ATP6V1H: variants seen among roughly 807,000 people sequenced by gnomAD.
The protein encoded by ATP6V1H is V-type proton ATPase subunit H.
Under a neutral mutation model 71.7 loss-of-function variants are expected in ATP6V1H, and 39 were observed. The ratio of observed to expected loss-of-function variants is 0.54; its 90% CI spans 0.42 to 0.71. The LOEUF is 0.71. Among genes scored for constraint, ATP6V1H ranks in the 30% least tolerant of loss-of-function variants. The probability of loss-of-function intolerance (pLI) is 0.00; values close to 1 mark genes in which losing one functional copy is unlikely to be tolerated. For missense variants in ATP6V1H, 509 were observed against 594.9 expected (o/e 0.86, Z 1.50); for synonymous variants, 192 against 199.3 (o/e 0.96, Z 0.31).
At chr8:53,767,488 A>G (rs541432078) in intron 11 of ATP6V1H, among the ~76,000 whole-genome samples, 1 of 152,328 alleles carries the variant, frequency 6.6e-6, no homozygotes, top group South Asian at 2.1e-4. Flanking sequence ...TAAAATATCT[A>G]CCAATTAGAG....
At chr8:53,733,080 G>A (rs1422216323) in intron 13 of ATP6V1H, among the ~76,000 whole-genome samples, 1 of 152,188 alleles carries the variant, frequency 6.6e-6, no homozygotes, top group Admixed American at 6.5e-5. Context: ...CTCCTCAACT[G>A]AAAGAATACC....
At position 53,756,433 on chromosome 8, in the gene ATP6V1H, T is replaced by C. The variant is rs140580357; in HGVS notation, c.1277+122A>G. ...ATCATAATTCTCACTATTGTGGCAA[T>C]CTTGATTTCATTTGCTTTGTTAGTT... On this transcript the variant is annotated intron_variant, in intron 12 of 13. Transcript: ENST00000359530. The C allele has an allele frequency of 1.5e-4, 101 of 693,470 alleles. No homozygotes were observed. In the African/African-American group the frequency reaches 1.7e-3, roughly 11 times the overall value. The allele number at this position is 693,470 out of a possible 1,614,324, so 43.0% of individuals were successfully genotyped here.
chr8:53,740,213 T>C lies in ATP6V1H; in HGVS notation c.1391+3364A>G, dbSNP rs1455731241. 1.1e-4 allele frequency among the ~76,000 whole-genome samples: 17 copies of C among 152,340 alleles called. No homozygotes were observed. The East Asian group carries it at 3.3e-3, about 29-fold the overall frequency. ...CAAATCCATATCTGACCCAGTTCCA[T>C]GATTTCATAAGTAACATAAATTACA... is the stretch of plus-strand genomic sequence containing the variant. On this transcript the variant is annotated intron_variant, in intron 13 of 13. Transcript: ENST00000359530.
At chr8:53,764,956 A>G (rs1211523980) in intron 11 of ATP6V1H, among the ~76,000 whole-genome samples, 1 of 152,090 alleles carries the variant, frequency 6.6e-6, no homozygotes, top group Non-Finnish European at 1.5e-5. Context: ...CAAAAACAAA[A>G]TAGCCGGGCA....
chr8:53,776,448 C>T (rs759602050), intron 9 of ATP6V1H, among the ~76,000 whole-genome samples: 2 of 152,198 alleles, frequency 1.3e-5, no homozygotes, highest in African/African-American at 2.4e-5. Context: ...ACTGCCAGCA[C>T]GCTGTCACCT....
At chr8:53,724,628 G>C (rs1414388677) in intron 13 of ATP6V1H, among the ~76,000 whole-genome samples, 1 of 129,962 alleles carries the variant, frequency 7.7e-6, no homozygotes, top group African/African-American at 2.9e-5. Flanking sequence ...AAGAGGACGA[G>C]GCCACGCCCC....
intron 12 of ATP6V1H, among the ~76,000 whole-genome samples, chr8:53,745,714 A>C (rs1353044739): frequency 2.0e-5 from 3 of 151,530 alleles, no homozygotes; most frequent in East Asian, 1.9e-4. Context: ...CACACACACA[A>C]AAACCCCACA....
At chr8:53,825,140 C>A (rs1342412251) in intron 4 of ATP6V1H, among the ~76,000 whole-genome samples, 1 of 152,132 alleles carries the variant, frequency 6.6e-6, no homozygotes, top group African/African-American at 2.4e-5. Flanking sequence ...ATACCTTGTC[C>A]TTGGACAGAA....
intron 7 of ATP6V1H, among the ~76,000 whole-genome samples, chr8:53,806,412 A>C (rs1489781436): frequency 2.6e-5 from 4 of 152,134 alleles, no homozygotes; most frequent in Non-Finnish European, 5.9e-5. Flanking sequence ...TCTAGTCAAC[A>C]GTCATAAAAT....
intron 4 of ATP6V1H, among the ~76,000 whole-genome samples, chr8:53,822,927 T>G (rs960267356): frequency 3.9e-5 from 6 of 152,154 alleles, no homozygotes; most frequent in Non-Finnish European, 8.8e-5. Context: ...CACAATTCAC[T>G]GTAGATATAA....
chr8:53,774,285 A>G (rs1808785319), intron 9 of ATP6V1H, among the ~76,000 whole-genome samples: 1 of 152,234 alleles, frequency 6.6e-6, no homozygotes, highest in Admixed American at 6.5e-5. Flanking sequence ...AGACAAACAC[A>G]CAAAACTAAA....
intron 11 of ATP6V1H, 95 bp from the exon 12 acceptor site, chr8:53,756,751 G>C (rs1808083303): frequency 5.5e-6 from 4 of 732,736 alleles, no homozygotes; most frequent in Non-Finnish European, 8.8e-6. Context: ...CCTGAAAATA[G>C]ACATTTATTA....
intron 11 of ATP6V1H, among the ~76,000 whole-genome samples, chr8:53,762,068 G>A (rs1468663135): frequency 6.6e-6 from 1 of 152,120 alleles, no homozygotes; most frequent in Non-Finnish European, 1.5e-5. Context: ...ACAACCATTA[G>A]CCACATGTGG....
rs186979298 is a variant in ATP6V1H, at chr8:53,736,184, T to A, written c.1391+7393A>T. ...TTTTGTCCTTGCTAGCACTTATATA[T>A]AAGTGTCCCCACTGTACACATACTA... On this transcript the variant is annotated intron_variant, in intron 13 of 13. Transcript: ENST00000359530. Among the ~76,000 whole-genome samples, 346 of 152,316 alleles carry A rather than the reference T, an allele frequency of 2.3e-3. 2 individuals carry two copies. Among genetic ancestry groups the A allele is most frequent in the African/African-American group, 8.1e-3 (335 of 41,576 alleles).
chr8:53,765,063 C>T (rs1191483483), intron 11 of ATP6V1H, among the ~76,000 whole-genome samples: 2 of 151,984 alleles, frequency 1.3e-5, no homozygotes, highest in Non-Finnish European at 2.9e-5. Context: ...TATGATCGCA[C>T]CACTTCACTC....
rs536049530 is a variant in ATP6V1H, at chr8:53,825,947, T to C, written c.306+3497A>G. 3.9e-4 allele frequency among the ~76,000 whole-genome samples: 60 copies of C among 152,260 alleles called. 1 individual carries two copies. The highest frequency in any genetic ancestry group is 3.4e-3 in the Middle Eastern group (1 of 294). The stretch of plus-strand genomic sequence containing the variant: ...TTGTTTTACCCTGTGAAAAATGTTA[T>C]AAGCTAAGACAAAAAGGTAAATAAC... On this transcript the variant is annotated intron_variant, in intron 4 of 13. Coordinates refer to ENST00000359530, the MANE Select transcript of ATP6V1H (RefSeq NM_015941.4).
In ATP6V1H at chr8:53,752,303, TCTC is replaced by T. The variant is rs548515494; in HGVS notation, c.1277+4249_1277+4251del. ...GACCAACAAGTAGGCTGGGAATCCT[TCTC>T]CTGATACCTCACTAGAGGCAACACT... On this transcript the variant is annotated intron_variant, in intron 12 of 13. Transcript: ENST00000359530. Among the ~76,000 whole-genome samples the T allele has an allele frequency of 2.1e-3, 323 of 152,324 alleles. 1 individual carries two copies. Among genetic ancestry groups the T allele is most frequent in the African/African-American group, 7.3e-3 (303 of 41,570 alleles).
chr8:53,734,837 A>G (rs1286496944), intron 13 of ATP6V1H, among the ~76,000 whole-genome samples: 1 of 149,502 alleles, frequency 6.7e-6, no homozygotes. Flanking sequence ...TATTCTAATG[A>G]AAAAAAAAAG....
chr8:53,755,713 TATATATATATATATATATATATATA>T lies in ATP6V1H; in HGVS notation c.1277+817_1277+841del, dbSNP rs1563451056. 6.6e-4 allele frequency among the ~76,000 whole-genome samples: 4 copies of T among 6,104 alleles called. 1 individual carries two copies. The highest frequency in any genetic ancestry group is 8.8e-3 in the East Asian group (2 of 228). 4.0% of individuals were successfully genotyped at this position (6,104 alleles called of 152,430 possible). A position where few individuals can be genotyped will look rare whatever the true frequency, so the allele number is the denominator to read the frequency against. On this transcript the variant is annotated intron_variant, in intron 12 of 13. Transcript: ENST00000359530. ...ATATATATATATATATATATATATA[TATATATATATATATATATATATATA>T]TATATATTTTTTTTTTTTTTTTTTT... is the stretch of plus-strand genomic sequence containing the variant.
Sources: allele counts gnomAD v4.1 joint callset (sites outside exome capture counted in the v4.1 genomes callset), GRCh38; gene constraint gnomAD v4.1.1; transcripts MANE v1.5; gene names NCBI Gene and HGNC (gene_info 2026-07-23, HGNC 2026-07-21).